The following CEMIP variants were observed in gnomAD, a reference collection of about 807,000 sequenced individuals.
CEMIP encodes cell migration inducing hyaluronidase 1, also known as cell migration-inducing and hyaluronan-binding protein.
A neutral mutation model predicts 156.9 loss-of-function variants in CEMIP; 105 were observed. That is an observed-to-expected ratio of 0.67 (90% CI 0.57 to 0.79). The LOEUF (loss-of-function observed/expected upper bound fraction) is 0.79. CEMIP is among the 30% of genes least tolerant of loss of function. CEMIP has a pLI of 0.00. For missense variants in CEMIP, 1,457 were observed against 1,769.4 expected (o/e 0.82, Z 3.17); for synonymous variants, 676 against 668.4 (o/e 1.01, Z -0.17).
chr15:80,818,880 G>T (rs1396494269), intron 1 of CEMIP, among the ~76,000 whole-genome samples: 1 of 152,194 alleles, frequency 6.6e-6, no homozygotes, highest in Non-Finnish European at 1.5e-5. Flanking sequence ...CGCTCAGAGG[G>T]CTTCACAGTA....
At chr15:80,785,400 G>A (rs1036437499) in intron 1 of CEMIP, among the ~76,000 whole-genome samples, 2 of 152,218 alleles carry the variant, frequency 1.3e-5, no homozygotes, top group African/African-American at 2.4e-5. Flanking sequence ...ATTCTGGGTA[G>A]CCCAAGATGC....
chr15:80,920,912 CAGATCTCTGATA>C, intron 15 of CEMIP, 108 bp from the exon 16 acceptor site: 1 of 774,744 alleles, frequency 1.3e-6, no homozygotes, highest in Non-Finnish European at 2.3e-6. Context: ...AATGATTTCT[CAGATCTCTGATA>C]AGAGACTATC....
intron 1 of CEMIP, among the ~76,000 whole-genome samples, chr15:80,786,562 G>A (rs898037699): frequency 7.3e-6 from 1 of 136,142 alleles, no homozygotes; most frequent in Non-Finnish European, 1.7e-5. Flanking sequence ...CTTGCTGTGT[G>A]TGTGTGTGTG....
chr15:80,803,528 G>A (rs1896434419), intron 1 of CEMIP, among the ~76,000 whole-genome samples: 1 of 152,166 alleles, frequency 6.6e-6, no homozygotes, highest in African/African-American at 2.4e-5. Flanking sequence ...TTCCCTGGAC[G>A]GGAAGACAAG....
At chr15:80,933,190 G>A in intron 22 of CEMIP, 55 bp from the exon 23 acceptor site, 1 of 1,474,688 alleles carries the variant, frequency 6.8e-7, no homozygotes, top group African/African-American at 1.4e-5. Context: ...CCTGATGACG[G>A]CTGCAGTTTC....
In CEMIP at chr15:80,873,666, C is replaced by T. The variant is rs773088743; in HGVS notation, c.-47C>T. ...GATTTTCATGCCCCGATCTGCCTGGCCTTGAGTTGTGGCAGCTGGGGAAGC... is the reference window on the plus strand; with the variant it reads ...GATTTTCATGCCCCGATCTGCCTGGTCTTGAGTTGTGGCAGCTGGGGAAGC... On this transcript the variant is annotated 5_prime_UTR_variant, in exon 2 of 30. Coordinates refer to ENST00000394685, the MANE Select transcript of CEMIP (RefSeq NM_001293298.2). 3 of 580,820 alleles carry T rather than the reference C, an allele frequency of 5.2e-6. No individual in the cohort carries two copies. Among genetic ancestry groups the T allele is most frequent in the Non-Finnish European group, 9.4e-6 (3 of 319,148 alleles). 36.0% of individuals were successfully genotyped at this position (580,820 alleles called of 1,614,324 possible).
intron 1 of CEMIP, among the ~76,000 whole-genome samples, chr15:80,808,165 T>C (rs1289422638): frequency 1.3e-5 from 2 of 152,296 alleles, no homozygotes; most frequent in South Asian, 4.1e-4. Flanking sequence ...TAAGGCTCAA[T>C]AGGGAGAACT....
chr15:80,829,741 C>T (rs564978698), intron 1 of CEMIP, among the ~76,000 whole-genome samples: 2 of 152,182 alleles, frequency 1.3e-5, no homozygotes, highest in Non-Finnish European at 2.9e-5. Flanking sequence ...ACCTAGAAGG[C>T]CTGCTCTGGG....
intron 23 of CEMIP, among the ~76,000 whole-genome samples, chr15:80,933,740 G>A (rs970125963): frequency 4.6e-5 from 7 of 152,168 alleles, no homozygotes; most frequent in South Asian, 2.1e-4. Context: ...TTGGACCTTG[G>A]GCAAATTACT....
intron 11 of CEMIP, 124 bp downstream of exon 11, chr15:80,895,246 C>A: frequency 7.6e-7 from 1 of 1,315,492 alleles, no homozygotes; most frequent in Non-Finnish European, 1.1e-6. Context: ...ACTTTTGTGA[C>A]ACGGGAGCAG....
At chr15:80,794,021 G>T (rs1320205923) in intron 1 of CEMIP, among the ~76,000 whole-genome samples, 1 of 152,202 alleles carries the variant, frequency 6.6e-6, no homozygotes. Context: ...TTAGGTCAAA[G>T]TGTTGCCAAG....
intron 1 of CEMIP, among the ~76,000 whole-genome samples, chr15:80,804,480 G>A (rs1001159479): frequency 5.3e-5 from 8 of 152,208 alleles, no homozygotes; most frequent in Non-Finnish European, 8.8e-5. Context: ...TGTGACCGGA[G>A]GAAGGTTGAC....
chr15:80,905,475 C>A (rs1899759401), intron 12 of CEMIP, among the ~76,000 whole-genome samples: 1 of 152,164 alleles, frequency 6.6e-6, no homozygotes, highest in Non-Finnish European at 1.5e-5. Context: ...ACTCTTGTCA[C>A]CCTGCACCGT....
At chr15:80,938,424 G>A (rs1240274293) in intron 25 of CEMIP, among the ~76,000 whole-genome samples, 3 of 152,130 alleles carry the variant, frequency 2.0e-5, no homozygotes, top group African/African-American at 7.2e-5. Context: ...GGCCAACATG[G>A]TGAAACCCCG....
intron 1 of CEMIP, among the ~76,000 whole-genome samples, chr15:80,827,429 G>A (rs549190454): frequency 2.0e-4 from 30 of 152,220 alleles, no homozygotes; most frequent in African/African-American, 7.0e-4. Flanking sequence ...GACCAGCCTG[G>A]CCAACATGGT....
chr15:80,914,122 G>A (rs183577855), intron 14 of CEMIP, among the ~76,000 whole-genome samples: 10 of 152,310 alleles, frequency 6.6e-5, no homozygotes, highest in African/African-American at 2.2e-4. Context: ...GATAGTGGGG[G>A]TGGGGGATGC....
chr15:80,950,262 G>C lies in CEMIP; in HGVS notation c.*1338G>C, dbSNP rs1335098027. The C allele has an allele frequency of 6.6e-6, 1 of 152,306 alleles. No individual in the cohort carries two copies. The highest frequency in any genetic ancestry group is 1.5e-5 in the Non-Finnish European group (1 of 68,110). The allele number at this position is 152,306 out of a possible 1,614,324, so 9.4% of individuals were successfully genotyped here. A position where few individuals can be genotyped will look rare whatever the true frequency, so the allele number is the denominator to read the frequency against. On this transcript the variant is annotated 3_prime_UTR_variant, in exon 30 of 30. Transcript: ENST00000394685. ...GAAAGTGAGCCCCCAAGATGGGAAA[G>C]AACCACACAGCTAAGGGAGGGCCTG...
chr15:80,857,111 C>T (rs1401904319), intron 1 of CEMIP, among the ~76,000 whole-genome samples: 1 of 152,238 alleles, frequency 6.6e-6, no homozygotes, highest in East Asian at 1.9e-4. Flanking sequence ...CGTGCTCTTT[C>T]GACTCCACTC....
At chr15:80,923,657 G>A (rs533201432) in intron 17 of CEMIP, among the ~76,000 whole-genome samples, 2 of 152,278 alleles carry the variant, frequency 1.3e-5, no homozygotes, top group Non-Finnish European at 2.9e-5. Flanking sequence ...GGATTCGATT[G>A]TCTAAGCCAA....
Sources: gnomAD v4.1 joint callset for allele counts (sites outside exome capture counted in the v4.1 genomes callset) on GRCh38, gnomAD v4.1.1 for gene constraint, MANE v1.5 for transcripts, NCBI Gene and HGNC (gene_info 2026-07-23, HGNC 2026-07-21) for gene names.